NARS2: variants seen among roughly 807,000 people sequenced by gnomAD.
NARS2 encodes the protein asparaginyl-tRNA synthetase 2, mitochondrial, also known as asparaginyl-tRNA synthetase.
A neutral mutation model predicts 62.9 loss-of-function variants in NARS2; 60 were observed. The observed-to-expected ratio is 0.95, with a 90% CI of 0.77 to 1.18. The LOEUF is 1.18. NARS2 is among the 50% of genes most tolerant of loss of function. The pLI, the probability that NARS2 is intolerant of heterozygous loss-of-function variation, is 0.00. For synonymous variants in NARS2, 196 were observed against 200.0 expected, an observed-to-expected ratio of 0.98 and a Z score of 0.17; for missense variants, 619 against 576.4, an observed-to-expected ratio of 1.07 and a Z score of -0.76.
intron 7 of NARS2, among the ~76,000 whole-genome samples, chr11:78,480,728 A>G (rs1364675588): frequency 1.3e-5 from 2 of 152,082 alleles, no homozygotes; most frequent in East Asian, 3.8e-4. Flanking sequence ...AAAAGACTAG[A>G]TAATAGTAAA....
intron 6 of NARS2, among the ~76,000 whole-genome samples, chr11:78,520,616 G>A (rs1005134559): frequency 1.3e-5 from 2 of 152,052 alleles, no homozygotes; most frequent in Admixed American, 6.6e-5. Context: ...ACAGAATAAA[G>A]CCCACTGAAT....
chr11:78,522,158 G>A (rs532526954), intron 6 of NARS2, among the ~76,000 whole-genome samples: 1 of 144,232 alleles, frequency 6.9e-6, no homozygotes, highest in East Asian at 2.0e-4. Context: ...AAGGTTTCGT[G>A]TGTTGCCCAA....
intron 6 of NARS2, among the ~76,000 whole-genome samples, chr11:78,527,103 C>T (rs1301319194): frequency 6.6e-6 from 1 of 152,110 alleles, no homozygotes; most frequent in Non-Finnish European, 1.5e-5. Flanking sequence ...ATAACTCTAC[C>T]AGGTAGAAGA....
At chr11:78,466,684 C>T (rs1384300403) in intron 10 of NARS2, among the ~76,000 whole-genome samples, 5 of 152,036 alleles carry the variant, frequency 3.3e-5, no homozygotes, top group Admixed American at 2.0e-4. Flanking sequence ...GGTTTCACTA[C>T]GTTGGCCAGG....
At chr11:78,474,558 T>C (rs903740629) in intron 9 of NARS2, among the ~76,000 whole-genome samples, 2 of 152,220 alleles carry the variant, frequency 1.3e-5, no homozygotes, top group Non-Finnish European at 1.5e-5. Context: ...AATAGTGATA[T>C]TAGCCAATAA....
intron 6 of NARS2, among the ~76,000 whole-genome samples, chr11:78,507,497 A>G (rs1419266924): frequency 6.7e-6 from 1 of 150,206 alleles, no homozygotes; most frequent in African/African-American, 2.4e-5. Flanking sequence ...TTAGATACAG[A>G]TGCCCAGTTT....
intron 6 of NARS2, among the ~76,000 whole-genome samples, chr11:78,522,624 T>C (rs1861171754): frequency 6.6e-6 from 1 of 152,152 alleles, no homozygotes; most frequent in Non-Finnish European, 1.5e-5. Flanking sequence ...AAAGATGATG[T>C]AGAAACAGAA....
intron 12 of NARS2, among the ~76,000 whole-genome samples, chr11:78,442,666 A>C (rs1399592970): frequency 6.6e-6 from 1 of 151,772 alleles, no homozygotes; most frequent in Non-Finnish European, 1.5e-5. Flanking sequence ...CTAAAGTAGG[A>C]ATCATGGAAA....
intron 11 of NARS2, among the ~76,000 whole-genome samples, chr11:78,449,595 TAGTC>T (rs1395148791): frequency 6.6e-6 from 1 of 152,148 alleles, no homozygotes; most frequent in Non-Finnish European, 1.5e-5. Context: ...GTTGTTGTAT[TAGTC>T]AGGATAGGCT....
At chr11:78,466,960 C>A (rs1406911206) in intron 10 of NARS2, among the ~76,000 whole-genome samples, 4 of 132,964 alleles carry the variant, frequency 3.0e-5, no homozygotes, top group African/African-American at 3.4e-5. Context: ...CTTCATGAAG[C>A]TTCCAGGGTT....
chr11:78,490,963 T>C (rs1042691156), intron 7 of NARS2, among the ~76,000 whole-genome samples: 7 of 152,218 alleles, frequency 4.6e-5, no homozygotes, highest in African/African-American at 1.7e-4. Flanking sequence ...TATTCCTCAA[T>C]GTTTTTACTA....
At chr11:78,500,462 T>C (rs1482299205) in intron 6 of NARS2, among the ~76,000 whole-genome samples, 1 of 152,194 alleles carries the variant, frequency 6.6e-6, no homozygotes, top group African/African-American at 2.4e-5. Context: ...CAGTTTGCAT[T>C]TGCTTGATTT....
At chr11:78,447,273 C>G (rs559894309) in intron 11 of NARS2, among the ~76,000 whole-genome samples, 1 of 152,014 alleles carries the variant, frequency 6.6e-6, no homozygotes, top group African/African-American at 2.4e-5. Context: ...CCTGCCTCAG[C>G]CTCCTAAGTA....
At chr11:78,488,089 A>G (rs1859653101) in intron 7 of NARS2, among the ~76,000 whole-genome samples, 1 of 152,226 alleles carries the variant, frequency 6.6e-6, no homozygotes. Context: ...TATTTAAAAT[A>G]TGTATGGTGA....
Position 78,475,762 on chromosome 11 carries a change from A to T in NARS2, c.959+2676T>A, listed in dbSNP as rs146349449. 3.2e-3 allele frequency among the ~76,000 whole-genome samples: 485 copies of T among 151,506 alleles called. 2 individuals are homozygous for T. The highest frequency in any genetic ancestry group is 0.011 in the African/African-American group (470 of 41,304). Reference sequence around the variant, plus strand: ...CAGGCACATGTCACCACACCTGACTAATTTATTTATTTATTTTTTGTAGAG... The same window carrying T: ...CAGGCACATGTCACCACACCTGACTTATTTATTTATTTATTTTTTGTAGAG... On this transcript the variant is annotated intron_variant, in intron 9 of 13. Transcript: ENST00000281038.
chr11:78,502,393 CT>C (rs1407955628), intron 6 of NARS2, among the ~76,000 whole-genome samples: 3 of 152,308 alleles, frequency 2.0e-5, no homozygotes, highest in African/African-American at 7.2e-5. Flanking sequence ...ACAAGCACCC[CT>C]GGTATCTCTT....
intron 13 of NARS2, among the ~76,000 whole-genome samples, chr11:78,439,255 T>C (rs1857502964): frequency 6.6e-6 from 1 of 152,138 alleles, no homozygotes; most frequent in Admixed American, 6.6e-5. Flanking sequence ...GTCAGGCTGG[T>C]CTCGAACTCC....
intron 6 of NARS2, among the ~76,000 whole-genome samples, chr11:78,508,036 TA>T (rs903242111): frequency 6.6e-6 from 1 of 151,666 alleles, no homozygotes; most frequent in Non-Finnish European, 1.5e-5. Context: ...GCAATCTTAA[TA>T]AAAAAAGAAC....
intron 7 of NARS2, among the ~76,000 whole-genome samples, chr11:78,479,032 G>T (rs1859233072): frequency 6.6e-6 from 1 of 152,144 alleles, no homozygotes; most frequent in African/African-American, 2.4e-5. Context: ...CTTACAGGAT[G>T]TTTGAGAGAA....
Sources: allele counts gnomAD v4.1 joint callset (sites outside exome capture counted in the v4.1 genomes callset), GRCh38; gene constraint gnomAD v4.1.1; transcripts MANE v1.5; gene names NCBI Gene and HGNC (gene_info 2026-07-23, HGNC 2026-07-21).